The following ARPP21 variants were observed in gnomAD, a reference collection of about 807,000 sequenced individuals.
ARPP21 encodes the protein cAMP regulated phosphoprotein 21.
Under a neutral mutation model 113.2 loss-of-function variants are expected in ARPP21, and 69 were observed. The ratio of observed to expected loss-of-function variants is 0.61; its 90% CI spans 0.50 to 0.74. The LOEUF (loss-of-function observed/expected upper bound fraction) is 0.74. ARPP21 is among the 30% of genes least tolerant of loss of function. The pLI, the probability that ARPP21 is intolerant of heterozygous loss-of-function variation, is 0.00. For missense variants in ARPP21, 1,070 were observed against 1,037.4 expected, an observed-to-expected ratio of 1.03 and a Z score of -0.43; for synonymous variants, 368 against 375.5, an observed-to-expected ratio of 0.98 and a Z score of 0.23.
At chr3:35,725,681 T>A (rs1415278539) in intron 14 of ARPP21, among the ~76,000 whole-genome samples, 1 of 152,200 alleles carries the variant, frequency 6.6e-6, no homozygotes, top group Non-Finnish European at 1.5e-5. Flanking sequence ...TGTTTTGACT[T>A]GTGATCTCTT....
intron 9 of ARPP21, among the ~76,000 whole-genome samples, chr3:35,699,185 T>G (rs920414772): frequency 6.6e-6 from 1 of 151,648 alleles, no homozygotes; most frequent in Non-Finnish European, 1.5e-5. Flanking sequence ...AGTTAAAAGT[T>G]CATCATACAT....
intron 10 of ARPP21, among the ~76,000 whole-genome samples, chr3:35,708,591 C>T (rs1008958223): frequency 6.6e-6 from 1 of 152,174 alleles, no homozygotes; most frequent in African/African-American, 2.4e-5. Flanking sequence ...CTTTTTTCAC[C>T]GGCATTCTGC....
chr3:35,773,465 A>C (rs2096267012), intron 19 of ARPP21, among the ~76,000 whole-genome samples: 1 of 152,182 alleles, frequency 6.6e-6, no homozygotes, highest in East Asian at 1.9e-4. Context: ...TTATGCCTAC[A>C]AAATCAAACA....
rs947333490 is a variant in ARPP21 at position 35,710,560 on chromosome 3, C to G, written c.897+1490C>G. On this transcript the variant is annotated intron_variant, in intron 11 of 20. Coordinates refer to ENST00000684406, the MANE Select transcript of ARPP21 (RefSeq NM_001385562.1). Reference sequence around the variant, plus strand: ...TCTCTCAAACACACACACACACACACACACACACACACACACACACACACA... The same window carrying G: ...TCTCTCAAACACACACACACACACAGACACACACACACACACACACACACA... Among the ~76,000 whole-genome samples the G allele has an allele frequency of 5.3e-5, 8 of 151,730 alleles. No individual in the cohort carries two copies. In the South Asian group the frequency reaches 1.7e-3, roughly 32 times the overall value.
intron 1 of ARPP21, among the ~76,000 whole-genome samples, chr3:35,673,032 T>C (rs550926225): frequency 6.6e-6 from 1 of 152,074 alleles, no homozygotes; most frequent in Non-Finnish European, 1.5e-5. Flanking sequence ...AGTCAAAAAA[T>C]ACCACTGTAG....
At chr3:35,777,214 C>T (rs917646515) in intron 19 of ARPP21, among the ~76,000 whole-genome samples, 14 of 152,236 alleles carry the variant, frequency 9.2e-5, no homozygotes, top group African/African-American at 2.9e-4. Flanking sequence ...AATGAAAATA[C>T]CCCTATTTAC....
intron 19 of ARPP21, among the ~76,000 whole-genome samples, chr3:35,763,267 C>G (rs1303847620): frequency 6.6e-6 from 1 of 152,052 alleles, no homozygotes; most frequent in Non-Finnish European, 1.5e-5. Flanking sequence ...TCATTTCTGC[C>G]TCTCTTGGGT....
chr3:35,684,552 G>A (rs1297819548), intron 5 of ARPP21: 4 of 985,410 alleles, frequency 4.1e-6, no homozygotes, highest in Admixed American at 1.2e-4. Flanking sequence ...AAATGGTCTT[G>A]CTGCTGAAAT....
intron 15 of ARPP21, among the ~76,000 whole-genome samples, chr3:35,732,776 C>A (rs1045430836): frequency 6.6e-6 from 1 of 152,136 alleles, no homozygotes; most frequent in Non-Finnish European, 1.5e-5. Flanking sequence ...CTTTGAGGAG[C>A]CTTTTAGAGC....
chr3:35,674,017 T>A (rs2076940481), intron 1 of ARPP21, among the ~76,000 whole-genome samples: 1 of 151,936 alleles, frequency 6.6e-6, no homozygotes, highest in Non-Finnish European at 1.5e-5. Context: ...TTAGAGAGTG[T>A]CTCCAATAGA....
At chr3:35,712,904 C>A (rs1473725321) in intron 11 of ARPP21, among the ~76,000 whole-genome samples, 1 of 152,072 alleles carries the variant, frequency 6.6e-6, no homozygotes, top group Non-Finnish European at 1.5e-5. Context: ...ATTGATAAAG[C>A]AATATACTTG....
At chr3:35,689,563 G>A (rs1380432955) in intron 7 of ARPP21, among the ~76,000 whole-genome samples, 178 bp downstream of exon 7, 1 of 151,394 alleles carries the variant, frequency 6.6e-6, no homozygotes, top group African/African-American at 2.4e-5. Context: ...TTTTTATAGA[G>A]AGTCTTAGTA....
chr3:35,741,266 A>T (rs144699212), intron 18 of ARPP21, among the ~76,000 whole-genome samples: 5 of 152,334 alleles, frequency 3.3e-5, no homozygotes, highest in African/African-American at 1.2e-4. Context: ...ACAGATTTTT[A>T]AAAAGATAGA....
intron 19 of ARPP21, among the ~76,000 whole-genome samples, chr3:35,762,759 G>A (rs1169275843): frequency 6.6e-6 from 1 of 152,080 alleles, no homozygotes; most frequent in Non-Finnish European, 1.5e-5. Context: ...TTCTTAATTT[G>A]AAGGCAGGCA....
At chr3:35,675,106 T>C (rs986198954) in intron 1 of ARPP21, among the ~76,000 whole-genome samples, 2 of 151,772 alleles carry the variant, frequency 1.3e-5, no homozygotes, top group Admixed American at 1.3e-4. Flanking sequence ...TTAGGCTAAC[T>C]AATTTCAAGC....
intron 19 of ARPP21, among the ~76,000 whole-genome samples, chr3:35,771,784 C>T (rs1300276904): frequency 6.6e-6 from 1 of 152,028 alleles, no homozygotes; most frequent in South Asian, 2.1e-4. Context: ...GAAGTAGTCT[C>T]TTAAGGGAAT....
intron 5 of ARPP21, among the ~76,000 whole-genome samples, chr3:35,686,045 A>G (rs1559613656): frequency 6.6e-6 from 1 of 151,656 alleles, no homozygotes; most frequent in Non-Finnish European, 1.5e-5. Context: ...TTTATAATAT[A>G]TGTCCAAGCC....
At chr3:35,667,013 A>T (rs777985828) in intron 1 of ARPP21, among the ~76,000 whole-genome samples, 4 of 152,190 alleles carry the variant, frequency 2.6e-5, no homozygotes, top group Non-Finnish European at 5.9e-5. Context: ...TATGGATAAA[A>T]TTGAAGTCCC....
At chr3:35,721,485 G>C (rs974421101) in intron 13 of ARPP21, 120 bp from the exon 14 acceptor site, 14 of 635,210 alleles carry the variant, frequency 2.2e-5, no homozygotes, top group Non-Finnish European at 3.7e-5. Flanking sequence ...TAATGAAAAG[G>C]GTTGGCAGGA....
Sources: allele counts gnomAD v4.1 joint callset (sites outside exome capture counted in the v4.1 genomes callset), GRCh38; gene constraint gnomAD v4.1.1; transcripts MANE v1.5; gene names NCBI Gene and HGNC (gene_info 2026-07-23, HGNC 2026-07-21).